The following GALK2 variants were observed in gnomAD, a reference collection of about 807,000 sequenced individuals.
The protein encoded by GALK2 is N-acetylgalactosamine kinase.
Under a neutral mutation model 52.4 loss-of-function variants are expected in GALK2, and 36 were observed. That is an observed-to-expected ratio of 0.69 (90% CI 0.53 to 0.91). The LOEUF is 0.91. Ranked by LOEUF, GALK2 falls within the 40% of genes least tolerant of loss-of-function variation. The pLI is 0.00. For synonymous variants in GALK2, 176 were observed against 199.1 expected (o/e 0.88, Z 0.98); for missense variants, 579 against 559.1 (o/e 1.04, Z -0.36).
intron 3 of GALK2, among the ~76,000 whole-genome samples, chr15:49,363,179 T>C (rs947382617): frequency 2.6e-5 from 4 of 152,236 alleles, no homozygotes; most frequent in African/African-American, 9.6e-5. Flanking sequence ...GGTAGTTTGA[T>C]AGGAATAGCA....
intron 5 of GALK2, among the ~76,000 whole-genome samples, chr15:49,274,825 A>G (rs959397541): frequency 2.0e-5 from 3 of 152,150 alleles, no homozygotes; most frequent in Non-Finnish European, 4.4e-5. Flanking sequence ...AGGATCATCA[A>G]TATCACTGTG....
At chr15:49,168,501 C>T (rs143417334), upstream of GALK2, among the ~76,000 whole-genome samples, 2 of 152,124 alleles carry the variant, frequency 1.3e-5, no homozygotes, top group South Asian at 4.1e-4. Flanking sequence ...GGCTGATCAC[C>T]TGAGGTCAGG....
intron 2 of GALK2, among the ~76,000 whole-genome samples, chr15:49,207,923 C>T (rs1362858887): frequency 6.6e-6 from 1 of 152,132 alleles, no homozygotes; most frequent in African/African-American, 2.4e-5. Flanking sequence ...CAGGCACCCA[C>T]CACCATGCCC....
At chr15:49,263,670 G>T (rs1347762294) in intron 5 of GALK2, among the ~76,000 whole-genome samples, 7 of 126,416 alleles carry the variant, frequency 5.5e-5, no homozygotes, top group Admixed American at 3.8e-4. Flanking sequence ...AGTCTCGATG[G>T]TCTTTACATT....
Position 49,300,920 on chromosome 15 carries a change from T to C in GALK2, c.967+8383T>C, listed in dbSNP as rs200522909. On this transcript the variant is annotated intron_variant, in intron 8 of 9. Coordinates refer to ENST00000560031, the MANE Select transcript of GALK2 (RefSeq NM_002044.4). ...CTAATACAGTAGTGTTGGTGGGCTATGTACTTAAATGTGTTTTGTGGTGGC... is the reference window on the plus strand; with the variant it reads ...CTAATACAGTAGTGTTGGTGGGCTACGTACTTAAATGTGTTTTGTGGTGGC... 3.3e-5 allele frequency among the ~76,000 whole-genome samples: 5 copies of C among 152,306 alleles called. No individual in the cohort carries two copies. The East Asian group carries it at 5.8e-4, about 18-fold the overall frequency.
intron 3 of GALK2, among the ~76,000 whole-genome samples, chr15:49,233,881 T>C (rs1436969182): frequency 6.6e-6 from 1 of 152,168 alleles, no homozygotes; most frequent in African/African-American, 2.4e-5. Context: ...TACTGTTTGG[T>C]AGTTATTTAT....
At chr15:49,311,091 T>C (rs1011102433) in intron 8 of GALK2, among the ~76,000 whole-genome samples, 15 of 152,218 alleles carry the variant, frequency 9.9e-5, no homozygotes, top group African/African-American at 3.6e-4. Context: ...AGGAGTCTAT[T>C]TGTCTTCTTC....
intron 8 of GALK2, among the ~76,000 whole-genome samples, chr15:49,303,968 C>A (rs1381730222): frequency 6.6e-6 from 1 of 152,188 alleles, no homozygotes; most frequent in African/African-American, 2.4e-5. Flanking sequence ...CTCTGTCTTT[C>A]AGGAGTGAAA....
At chr15:49,313,049 G>C (rs1256052781) in intron 8 of GALK2, among the ~76,000 whole-genome samples, 2 of 152,210 alleles carry the variant, frequency 1.3e-5, no homozygotes, top group African/African-American at 4.8e-5. Context: ...ATATAAACTA[G>C]TGAGGCAGGC....
intron 1 of GALK2, among the ~76,000 whole-genome samples, chr15:49,179,809 G>T (rs1217557780): frequency 6.6e-6 from 1 of 151,546 alleles, no homozygotes; most frequent in Non-Finnish European, 1.5e-5. Context: ...GTATTTTTTG[G>T]GGGGCATACT....
intron 8 of GALK2, among the ~76,000 whole-genome samples, chr15:49,299,750 T>TCTTTCTTTCTTTC (rs1567037376): frequency 6.6e-5 from 9 of 135,516 alleles, no homozygotes; most frequent in South Asian, 2.4e-4. Flanking sequence ...TTTCTTTCTT[T>TCTTTCTTTCTTTC]CTTTCTTTCT....
chr15:49,296,360 A>G (rs2034476607), intron 8 of GALK2, among the ~76,000 whole-genome samples: 1 of 152,136 alleles, frequency 6.6e-6, no homozygotes, highest in Admixed American at 6.5e-5. Context: ...CCCACTTACA[A>G]TTGAGAACAT....
Position 49,366,782 on chromosome 15 carries a change from C to T in GALK2, c.427-709C>T, listed in dbSNP as rs1235842614. ...GCGCTGCCTCCGTGGCGGGGGCGGC[C>T]GGGCTAGGCTGGGATCGCCGCTGCT... On this transcript the variant is annotated intron_variant, in intron 3 of 3. Coordinates refer to the GALK2 transcript ENST00000558399. The T allele has an allele frequency of 2.3e-5, 14 of 615,488 alleles. 1 individual carries two copies. Among genetic ancestry groups the T allele is most frequent in the Non-Finnish European group, 3.3e-5 (12 of 364,956 alleles). The allele number at this position is 615,488 out of a possible 1,614,324, so 38.1% of individuals were successfully genotyped here. A position where few individuals can be genotyped will look rare whatever the true frequency, so the allele number is the denominator to read the frequency against.
chr15:49,215,334 C>G (rs919933340), intron 2 of GALK2, among the ~76,000 whole-genome samples: 3 of 152,184 alleles, frequency 2.0e-5, no homozygotes, highest in Non-Finnish European at 2.9e-5. Flanking sequence ...CTCTCTATCT[C>G]TACATCCTCT....
intron 9 of GALK2, among the ~76,000 whole-genome samples, chr15:49,322,644 A>G (rs1056922418): frequency 7.9e-5 from 12 of 152,132 alleles, no homozygotes; most frequent in African/African-American, 2.4e-4. Context: ...ATTGCAGTCT[A>G]TTCTCTACTT....
At chr15:49,200,568 T>C (rs1489757518) in intron 1 of GALK2, among the ~76,000 whole-genome samples, 1 of 152,170 alleles carries the variant, frequency 6.6e-6, no homozygotes, top group East Asian at 1.9e-4. Flanking sequence ...ATTAGAGTAA[T>C]AAAGCTGTAA....
At chr15:49,189,405 G>A (rs1007756252) in intron 1 of GALK2, among the ~76,000 whole-genome samples, 3 of 152,192 alleles carry the variant, frequency 2.0e-5, no homozygotes, top group African/African-American at 2.4e-5. Context: ...TACAGCATAC[G>A]TTGGTGGATA....
At chr15:49,282,143 G>A in intron 6 of GALK2, 58 bp downstream of exon 6, 1 of 1,267,038 alleles carries the variant, frequency 7.9e-7, no homozygotes, top group South Asian at 1.2e-5. Context: ...AATTTACATG[G>A]AGAAGAAGGC....
At chr15:49,284,181 T>C (rs2033080975) in intron 7 of GALK2, among the ~76,000 whole-genome samples, 2 of 152,170 alleles carry the variant, frequency 1.3e-5, no homozygotes, top group Non-Finnish European at 2.9e-5. Context: ...ACATGTCTAC[T>C]AGGGAAACAC....
Sources: allele counts gnomAD v4.1 joint callset (sites outside exome capture counted in the v4.1 genomes callset), GRCh38; gene constraint gnomAD v4.1.1; transcripts MANE v1.5; gene names NCBI Gene and HGNC (gene_info 2026-07-23, HGNC 2026-07-21).